Variants in PABPC4L observed in about 807,000 individuals in gnomAD.
PABPC4L encodes polyadenylate-binding protein 4-like.
For missense variants in PABPC4L, 452 were observed against 451.4 expected, an observed-to-expected ratio of 1.00 and a Z score of -0.01; for synonymous variants, 169 against 164.1, an observed-to-expected ratio of 1.03 and a Z score of -0.23.
chr4:134,086,899 C>A, the PABPC4L span, among the ~76,000 whole-genome samples: 1 of 151,744 alleles, frequency 6.6e-6, no homozygotes, highest in South Asian at 2.1e-4. Context: ...TGCGCTGCAC[C>A]CACTAACTCA....
At chr4:133,971,106 C>CTTTTTTT in the PABPC4L span, among the ~76,000 whole-genome samples, 92 of 63,850 alleles carry the variant, frequency 1.4e-3, no homozygotes, top group East Asian at 2.1e-3. Context: ...ATCTTATATT[C>CTTTTTTT]TTTTTTTTTT....
chr4:134,002,316 CT>C, the PABPC4L span, among the ~76,000 whole-genome samples: 1 of 151,476 alleles, frequency 6.6e-6, no homozygotes, highest in Non-Finnish European at 1.5e-5. Context: ...TCATTATATC[CT>C]TATTTAAAAG....
the PABPC4L span, among the ~76,000 whole-genome samples, chr4:134,134,913 G>A: frequency 2.0e-5 from 3 of 151,778 alleles, no homozygotes; most frequent in Non-Finnish European, 4.4e-5. Context: ...AAATTCAAGG[G>A]CAGAACTTGG....
chr4:134,085,922 C>T, the PABPC4L span, among the ~76,000 whole-genome samples: 212 of 152,150 alleles, frequency 1.4e-3, 1 homozygote, highest in South Asian at 5.2e-3. Flanking sequence ...TATGTAAGTA[C>T]GGAATTTCTG....
chr4:134,141,880 A>T, the PABPC4L span, among the ~76,000 whole-genome samples: 10 of 151,744 alleles, frequency 6.6e-5, no homozygotes, highest in East Asian at 2.0e-3. Context: ...ATAGACACAT[A>T]AAAAAATCTC....
the PABPC4L span, among the ~76,000 whole-genome samples, chr4:134,043,545 C>T: frequency 1.3e-5 from 2 of 151,846 alleles, no homozygotes; most frequent in Non-Finnish European, 2.9e-5. Context: ...TTGCACCAAC[C>T]TAATATAAAA....
At chr4:134,075,548 A>T in the PABPC4L span, among the ~76,000 whole-genome samples, 1 of 152,168 alleles carries the variant, frequency 6.6e-6, no homozygotes, top group African/African-American at 2.4e-5. Flanking sequence ...CATCCGAAGT[A>T]GACTGTGTTA....
chr4:134,076,015 G>GA, the PABPC4L span, among the ~76,000 whole-genome samples: 632 of 140,752 alleles, frequency 4.5e-3, 3 homozygotes, highest in Non-Finnish European at 6.1e-3. Flanking sequence ...ATAGGAACTG[G>GA]AAAAAAAAAA....
chr4:134,049,468 G>A, the PABPC4L span, among the ~76,000 whole-genome samples: 1 of 152,074 alleles, frequency 6.6e-6, no homozygotes, highest in African/African-American at 2.4e-5. Flanking sequence ...ATCTCCTATT[G>A]TATTATGTAT....
the PABPC4L span, among the ~76,000 whole-genome samples, chr4:133,982,214 G>A: frequency 3.3e-4 from 50 of 152,038 alleles, no homozygotes; most frequent in East Asian, 9.3e-3. Context: ...AAATGGAGAA[G>A]GTAAGCAGAG....
chr4:134,098,851 T>C, the PABPC4L span, among the ~76,000 whole-genome samples: 1 of 151,696 alleles, frequency 6.6e-6, no homozygotes, highest in Non-Finnish European at 1.5e-5. Flanking sequence ...CAAGTGAAGA[T>C]TTTGTTTCGA....
At chr4:134,040,205 G>GAA in the PABPC4L span, among the ~76,000 whole-genome samples, 36 of 113,424 alleles carry the variant, frequency 3.2e-4, no homozygotes, top group African/African-American at 5.0e-4. Flanking sequence ...CACAGAATTG[G>GAA]AAAAAAAAAA....
chr4:134,172,793 G>A, the PABPC4L span, among the ~76,000 whole-genome samples: 1 of 151,606 alleles, frequency 6.6e-6, no homozygotes, highest in Non-Finnish European at 1.5e-5. Flanking sequence ...ATCCTTCACA[G>A]AAATATAAAA....
chr4:134,027,934 C>T, the PABPC4L span, among the ~76,000 whole-genome samples: 1 of 152,076 alleles, frequency 6.6e-6, no homozygotes, highest in African/African-American at 2.4e-5. Flanking sequence ...CCCACGGAGA[C>T]ATGAGATATC....
the PABPC4L span, among the ~76,000 whole-genome samples, chr4:134,142,935 G>T: frequency 6.6e-6 from 1 of 151,530 alleles, no homozygotes; most frequent in Non-Finnish European, 1.5e-5. Flanking sequence ...CTCCGTCCTT[G>T]TGGAGCCGTG....
At chr4:134,153,765 G>T in the PABPC4L span, among the ~76,000 whole-genome samples, 1 of 149,222 alleles carries the variant, frequency 6.7e-6, no homozygotes. Context: ...TCTTGCCTCA[G>T]CCTCCAGAGT....
At chr4:134,141,265 C>T in the PABPC4L span, among the ~76,000 whole-genome samples, 1 of 151,352 alleles carries the variant, frequency 6.6e-6, no homozygotes, top group Non-Finnish European at 1.5e-5. Context: ...CAAACTACTC[C>T]CTGTGGCTTT....
chr4:134,090,377 T>A, the PABPC4L span, among the ~76,000 whole-genome samples: 2 of 152,122 alleles, frequency 1.3e-5, no homozygotes, highest in Non-Finnish European at 2.9e-5. Flanking sequence ...AGATTCCTGA[T>A]CCATTTGAAA....
the PABPC4L span, among the ~76,000 whole-genome samples, chr4:134,188,173 A>C: frequency 6.6e-6 from 1 of 151,772 alleles, no homozygotes; most frequent in Middle Eastern, 3.2e-3. Flanking sequence ...CAACTAATCC[A>C]TGTCCACTAA....
Sources: allele counts gnomAD v4.1 joint callset (sites outside exome capture counted in the v4.1 genomes callset), GRCh38; gene constraint gnomAD v4.1.1; transcripts MANE v1.5; gene names NCBI Gene and HGNC (gene_info 2026-07-23, HGNC 2026-07-21).